The following NEXMIF variants were observed in gnomAD, a reference collection of about 807,000 sequenced individuals.
NEXMIF encodes XLMR protein related to neurite extension.
NEXMIF carries 8 observed loss-of-function variants against 62.1 expected under a neutral mutation model. The ratio of observed to expected loss-of-function variants is 0.13; its 90% CI spans 0.08 to 0.23. The LOEUF is 0.23. Among genes scored for constraint, NEXMIF ranks in the 10% least tolerant of loss-of-function variants. NEXMIF has a pLI of 1.00. For missense variants in NEXMIF, 976 were observed against 1,113.3 expected, an observed-to-expected ratio of 0.88 and a Z score of 1.75; for synonymous variants, 404 against 416.6, an observed-to-expected ratio of 0.97 and a Z score of 0.37.
intron 1 of NEXMIF, among the ~76,000 whole-genome samples, chrX:74,895,333 A>G (rs1376878543): frequency 4.5e-5 from 5 of 112,248 alleles, no homozygotes; most frequent in Non-Finnish European, 7.5e-5. Context: ...ATGGAAAGAT[A>G]TTCCATGTTT....
chrX:74,879,285 G>A (rs924801058), intron 1 of NEXMIF, among the ~76,000 whole-genome samples: 1 of 111,803 alleles, frequency 8.9e-6, no homozygotes, highest in Non-Finnish European at 1.9e-5. Context: ...TTGAATAATA[G>A]CCAAACTTTC....
intron 1 of NEXMIF, among the ~76,000 whole-genome samples, chrX:74,751,736 CTCT>C (rs1218935224): frequency 1.1e-5 from 1 of 92,038 alleles, no homozygotes; most frequent in Non-Finnish European, 2.2e-5. Flanking sequence ...CCCTCCCTCC[CTCT>C]TTTCTTCCTT....
intron 1 of NEXMIF, among the ~76,000 whole-genome samples, chrX:74,864,160 A>C (rs1475707200): frequency 8.9e-6 from 1 of 112,067 alleles, no homozygotes; most frequent in African/African-American, 3.2e-5. Context: ...TCCATTTGAA[A>C]ACTGGCACAA....
intron 1 of NEXMIF, among the ~76,000 whole-genome samples, chrX:74,853,113 C>G (rs939858893): frequency 2.6e-4 from 29 of 110,367 alleles, no homozygotes; most frequent in African/African-American, 9.2e-4. Context: ...GAATTCAAGA[C>G]ATGGACACAC....
At chrX:74,783,422 A>G (rs1331944602) in intron 1 of NEXMIF, among the ~76,000 whole-genome samples, 2 of 111,654 alleles carry the variant, frequency 1.8e-5, no homozygotes, top group South Asian at 3.7e-4. Context: ...CCTTGATGGC[A>G]GGGCCACCAT....
At chrX:74,816,182 G>A (rs981963372) in intron 1 of NEXMIF, among the ~76,000 whole-genome samples, 3 of 111,514 alleles carry the variant, frequency 2.7e-5, no homozygotes, top group African/African-American at 9.8e-5. Context: ...TCCAGAGTAC[G>A]TACTACCTTT....
chrX:74,872,806 C>A (rs956429144), intron 1 of NEXMIF, among the ~76,000 whole-genome samples: 9 of 109,708 alleles, frequency 8.2e-5, no homozygotes, highest in Admixed American at 2.9e-4. Context: ...TACATACCTA[C>A]TATGTGTCAA....
Position 74,737,873 on chromosome X carries a change from A to G in NEXMIF, c.*1532T>C, listed in dbSNP as rs371795828. The G allele has an allele frequency of 9.0e-6, 1 of 111,368 alleles. No individual in the cohort carries two copies. Among genetic ancestry groups the G allele is most frequent in the East Asian group, 2.8e-4 (1 of 3,553 alleles). 9.2% of individuals were successfully genotyped at this position (111,368 alleles called of 1,213,427 possible). A position where few individuals can be genotyped will look rare whatever the true frequency, so the allele number is the denominator to read the frequency against. On this transcript the variant is annotated 3_prime_UTR_variant, in exon 4 of 4. Coordinates refer to ENST00000055682, the MANE Select transcript of NEXMIF (RefSeq NM_001008537.3). ...TTCACAAGTTAATAGGTTAGTAACA[A>G]TATTAATAAGAATAGTAACAACGAC...
intron 1 of NEXMIF, among the ~76,000 whole-genome samples, chrX:74,794,552 A>T (rs1169824940): frequency 8.9e-6 from 1 of 112,344 alleles, no homozygotes; most frequent in East Asian, 2.8e-4. Flanking sequence ...AGCCTGGGCA[A>T]TGGCGAGCGC....
chrX:74,857,242 C>T lies in NEXMIF; in HGVS notation c.-48+67641G>A, dbSNP rs746866835. Among the ~76,000 whole-genome samples, 3 of 111,911 alleles carry T rather than the reference C, an allele frequency of 2.7e-5. No individual in the cohort carries two copies. In the South Asian group the frequency reaches 1.1e-3, roughly 42 times the overall value. Reference sequence around the variant, plus strand: ...TCCCAGGCTGCACAGCTCATGGCTCCAAAAGAGACCCCTTCCTTCCTCTTC... The same window carrying T: ...TCCCAGGCTGCACAGCTCATGGCTCTAAAAGAGACCCCTTCCTTCCTCTTC... On this transcript the variant is annotated intron_variant, in intron 1 of 3. Transcript: ENST00000055682.
intron 1 of NEXMIF, among the ~76,000 whole-genome samples, chrX:74,915,243 C>G (rs1345966875): frequency 9.0e-6 from 1 of 111,302 alleles, no homozygotes; most frequent in Admixed American, 9.6e-5. Flanking sequence ...TCAAGATCAG[C>G]CTGGGCAACA....
intron 1 of NEXMIF, among the ~76,000 whole-genome samples, chrX:74,879,907 A>G: frequency 8.9e-6 from 1 of 112,061 alleles, no homozygotes; most frequent in Non-Finnish European, 1.9e-5. Flanking sequence ...GATTATTTGT[A>G]CTACTGCTTT....
At chrX:74,744,820 C>A (rs1023229415) in intron 2 of NEXMIF, among the ~76,000 whole-genome samples, 9 of 110,774 alleles carry the variant, frequency 8.1e-5, no homozygotes, top group African/African-American at 2.0e-4. Flanking sequence ...TACTTTTGAG[C>A]TACGAGGCTC....
intron 1 of NEXMIF, among the ~76,000 whole-genome samples, chrX:74,849,869 C>T (rs767440891): frequency 2.7e-5 from 3 of 112,141 alleles, no homozygotes; most frequent in Non-Finnish European, 5.6e-5. Flanking sequence ...GAGACCAAGG[C>T]ATGTGCTCCA....
At chrX:74,902,404 T>C (rs1056771683) in intron 1 of NEXMIF, among the ~76,000 whole-genome samples, 23 of 109,976 alleles carry the variant, frequency 2.1e-4, no homozygotes, top group Non-Finnish European at 3.8e-4. Flanking sequence ...TATGCATATG[T>C]ATAGGAACAC....
At chrX:74,886,955 T>C (rs1368215437) in intron 1 of NEXMIF, among the ~76,000 whole-genome samples, 2 of 110,572 alleles carry the variant, frequency 1.8e-5, no homozygotes, top group Non-Finnish European at 3.8e-5. Context: ...AACAGAGATA[T>C]AGACCAATGG....
intron 1 of NEXMIF, among the ~76,000 whole-genome samples, chrX:74,866,844 T>C (rs1408013905): frequency 8.9e-6 from 1 of 112,691 alleles, no homozygotes; most frequent in African/African-American, 3.2e-5. Context: ...TCCTTAGCCA[T>C]GTGAAACTAT....
chrX:74,877,610 C>A (rs898732234), intron 1 of NEXMIF, among the ~76,000 whole-genome samples: 1 of 111,470 alleles, frequency 9.0e-6, no homozygotes, highest in Admixed American at 9.5e-5. Context: ...CCATTCTCCC[C>A]GTCACTTTCA....
intron 1 of NEXMIF, among the ~76,000 whole-genome samples, chrX:74,770,418 T>C (rs1043485116): frequency 1.2e-4 from 14 of 112,224 alleles, no homozygotes; most frequent in African/African-American, 4.5e-4. Context: ...TTATCTTTGC[T>C]GTGTCTGGAA....
Sources: allele counts gnomAD v4.1 joint callset (sites outside exome capture counted in the v4.1 genomes callset), GRCh38; gene constraint gnomAD v4.1.1; transcripts MANE v1.5; gene names NCBI Gene and HGNC (gene_info 2026-07-23, HGNC 2026-07-21).